Variants in GRM5 observed in about 807,000 individuals in gnomAD.
The protein encoded by GRM5 is metabotropic glutamate receptor 5.
A neutral mutation model predicts 83.1 loss-of-function variants in GRM5; 19 were observed. That is an observed-to-expected ratio of 0.23 (90% CI 0.16 to 0.34). GRM5 has a LOEUF of 0.34. GRM5 is among the 10% of genes least tolerant of loss of function. The pLI is 1.00. For synonymous variants in GRM5, 675 were observed against 633.6 expected, an observed-to-expected ratio of 1.07 and a Z score of -0.98; for missense variants, 1,160 against 1,588.3, an observed-to-expected ratio of 0.73 and a Z score of 4.58.
intron 9 of GRM5, among the ~76,000 whole-genome samples, chr11:88,516,424 C>T (rs1941521917): frequency 6.6e-6 from 1 of 152,084 alleles, no homozygotes; most frequent in African/African-American, 2.4e-5. Context: ...CAGGTTTTGC[C>T]CATAAAATAA....
intron 8 of GRM5, among the ~76,000 whole-genome samples, chr11:88,541,065 A>C (rs1942254604): frequency 6.6e-6 from 1 of 152,068 alleles, no homozygotes; most frequent in African/African-American, 2.4e-5. Flanking sequence ...ACATTGTCTT[A>C]AGATTATTAT....
chr11:88,830,608 C>T (rs930796775), intron 3 of GRM5, among the ~76,000 whole-genome samples: 2 of 144,636 alleles, frequency 1.4e-5, no homozygotes, highest in Non-Finnish European at 2.9e-5. Context: ...CCCTAATGGT[C>T]CATATCCCCA....
At chr11:88,692,996 C>T (rs1002716781) in intron 3 of GRM5, among the ~76,000 whole-genome samples, 1 of 152,130 alleles carries the variant, frequency 6.6e-6, no homozygotes, top group South Asian at 2.1e-4. Context: ...AATCACTGCA[C>T]TGAGTGGTCT....
In GRM5 at chr11:88,783,968, T is replaced by A. The variant is rs548068862; in HGVS notation, c.911+65938A>T. On this transcript the variant is annotated intron_variant, in intron 3 of 9. Transcript: ENST00000305447. ...AAGAAGAAAAAATAATTCCCCATTA[T>A]CAGTGGAGTACTGATGACAGCCTCA... is the stretch of plus-strand genomic sequence containing the variant. Among the ~76,000 whole-genome samples, 5 of 152,180 alleles carry A rather than the reference T, an allele frequency of 3.3e-5. No individual in the cohort carries two copies. In the South Asian group the frequency reaches 8.3e-4, roughly 25 times the overall value.
intron 2 of GRM5, among the ~76,000 whole-genome samples, chr11:88,927,003 G>A (rs1375026222): frequency 6.6e-6 from 1 of 152,122 alleles, no homozygotes; most frequent in Non-Finnish European, 1.5e-5. Flanking sequence ...ACAGGAAAAT[G>A]CTATGACCAA....
intron 3 of GRM5, among the ~76,000 whole-genome samples, chr11:88,708,467 C>T (rs769564631): frequency 2.0e-5 from 3 of 152,022 alleles, no homozygotes; most frequent in Non-Finnish European, 2.9e-5. Context: ...AGACTAAAGA[C>T]TTTGAGGTAT....
chr11:88,715,198 T>C (rs1941373411), intron 3 of GRM5, among the ~76,000 whole-genome samples: 1 of 152,008 alleles, frequency 6.6e-6, no homozygotes, highest in East Asian at 1.9e-4. Flanking sequence ...CTATAATAGA[T>C]GCTCAATTAG....
chr11:88,971,129 A>T (rs2135004149), intron 2 of GRM5, among the ~76,000 whole-genome samples: 1 of 152,096 alleles, frequency 6.6e-6, no homozygotes, highest in Admixed American at 6.5e-5. Flanking sequence ...ATGAATATGG[A>T]AAGGAGATAG....
chr11:88,960,470 T>C (rs1325800801), intron 2 of GRM5, among the ~76,000 whole-genome samples: 1 of 152,152 alleles, frequency 6.6e-6, no homozygotes, highest in African/African-American at 2.4e-5. Flanking sequence ...CAAAGACAAA[T>C]ATTTCCTAGG....
intron 2 of GRM5, among the ~76,000 whole-genome samples, chr11:89,038,136 T>G (rs1240017057): frequency 7.2e-6 from 1 of 139,524 alleles, no homozygotes; most frequent in Non-Finnish European, 1.5e-5. Flanking sequence ...GATAATCTCT[T>G]TCTTTAGAAT....
intron 3 of GRM5, among the ~76,000 whole-genome samples, chr11:88,828,528 C>A (rs994136193): frequency 6.6e-6 from 1 of 151,790 alleles, no homozygotes; most frequent in Non-Finnish European, 1.5e-5. Context: ...TTGATAAAGA[C>A]AAAAATATAA....
chr11:88,899,126 A>G (rs1945279181), intron 2 of GRM5, among the ~76,000 whole-genome samples: 1 of 151,888 alleles, frequency 6.6e-6, no homozygotes, highest in African/African-American at 2.4e-5. Flanking sequence ...ACAAACTTAG[A>G]TTTTTAAAAT....
chr11:88,820,828 T>C (rs1215502496), intron 3 of GRM5, among the ~76,000 whole-genome samples: 1 of 152,166 alleles, frequency 6.6e-6, no homozygotes, highest in Non-Finnish European at 1.5e-5. Context: ...AAACATATAA[T>C]ACAAGTAGAA....
Position 88,782,714 on chromosome 11 carries a change from G to A in GRM5, c.911+67192C>T, listed in dbSNP as rs1942997166. On this transcript the variant is annotated intron_variant, in intron 3 of 9. Transcript: ENST00000305447. Reference sequence around the variant, plus strand: ...ATTGGAAAGCTTTAGGTTTCACCATGTTATGGAAGAAAAATTGTCTCTGTG... The same window carrying A: ...ATTGGAAAGCTTTAGGTTTCACCATATTATGGAAGAAAAATTGTCTCTGTG... Among the ~76,000 whole-genome samples the A allele has an allele frequency of 2.0e-5, 3 of 152,222 alleles. No individual in the cohort carries two copies. The South Asian group carries it at 6.2e-4, about 32-fold the overall frequency.
intron 2 of GRM5, among the ~76,000 whole-genome samples, chr11:88,987,438 C>G (rs1301741542): frequency 6.6e-6 from 1 of 151,810 alleles, no homozygotes; most frequent in Non-Finnish European, 1.5e-5. Flanking sequence ...GGGGGAGGGG[C>G]GCCCGCCATT....
chr11:88,515,600 A>G (rs1941499020), intron 9 of GRM5, among the ~76,000 whole-genome samples: 1 of 152,150 alleles, frequency 6.6e-6, no homozygotes, highest in Non-Finnish European at 1.5e-5. Flanking sequence ...TTAAGTGTCA[A>G]CTAAAAATAA....
chr11:88,651,016 G>C (rs79576828), intron 4 of GRM5, among the ~76,000 whole-genome samples: 4,964 of 151,962 alleles, frequency 0.033, 232 homozygotes, highest in Admixed American at 0.14. Context: ...AGATTCCAAG[G>C]GGGGGGATGG....
At chr11:88,980,884 G>C (rs1485047394) in intron 2 of GRM5, among the ~76,000 whole-genome samples, 1 of 151,958 alleles carries the variant, frequency 6.6e-6, no homozygotes, top group Admixed American at 6.6e-5. Flanking sequence ...TCAGTTAATA[G>C]TATCATACCA....
At chr11:88,681,224 T>C (rs944903992) in intron 3 of GRM5, among the ~76,000 whole-genome samples, 12 of 152,146 alleles carry the variant, frequency 7.9e-5, no homozygotes, top group Non-Finnish European at 1.6e-4. Flanking sequence ...TCTCATCCCC[T>C]CCTGAGTTAT....
Sources: gnomAD v4.1 joint callset for allele counts (sites outside exome capture counted in the v4.1 genomes callset) on GRCh38, gnomAD v4.1.1 for gene constraint, MANE v1.5 for transcripts, NCBI Gene and HGNC (gene_info 2026-07-23, HGNC 2026-07-21) for gene names.